The following FAT3 variants were observed in gnomAD, a reference collection of about 807,000 sequenced individuals.
The protein encoded by FAT3 is protocadherin Fat 3.
Under a neutral mutation model 310.2 loss-of-function variants are expected in FAT3, and 95 were observed. The observed-to-expected ratio is 0.31, with a 90% confidence interval of 0.26 to 0.36. The LOEUF is 0.36. Ranked by LOEUF, FAT3 falls within the 10% of genes least tolerant of loss-of-function variation. The pLI, the probability that FAT3 is intolerant of heterozygous loss-of-function variation, is 1.00. For synonymous variants in FAT3, 2,314 were observed against 2,192.9 expected (o/e 1.06, Z -1.54); for missense variants, 5,408 against 5,715.6 (o/e 0.95, Z 1.74).
In FAT3 at chr11:92,352,456, C is replaced by T. The variant is rs2134631597; in HGVS notation, c.344C>T (p.Ala115Val). 6.2e-7 allele frequency: 1 copy of T among 1,612,408 alleles called. No homozygotes were observed. Among genetic ancestry groups the T allele is most frequent in the Non-Finnish European group, 8.5e-7 (1 of 1,179,520 alleles). The change falls in exon 2 of 28, where the codon GCC (alanine) becomes GTC (valine). Residue 115 changes from alanine to valine, a missense_variant. Physicochemically the swap from Ala to Val is moderately conservative, Grantham distance 64. Coordinates refer to ENST00000525166, the MANE Select transcript of FAT3 (RefSeq NM_001367949.2). ...LRIRTKGGNS[A>V]ILNREIQDNY... ...ATAAGAACTAAAGGTGGCAATTCTG[C>T]CATATTAAATAGGGAAATCCAGGAT...
intron 1 of FAT3, among the ~76,000 whole-genome samples, chr11:92,254,562 A>T (rs1865242549): frequency 6.6e-6 from 1 of 152,166 alleles, no homozygotes; most frequent in South Asian, 2.1e-4. Flanking sequence ...GGAGACTTGG[A>T]TAAATTCCAA....
rs1955551119 is a variant in FAT3, at chr11:92,568,388, G to C, written c.3607+43440G>C. Among the ~76,000 whole-genome samples the C allele has an allele frequency of 4.0e-5, 5 of 125,498 alleles. No homozygotes were observed. The South Asian group carries it at 1.5e-3, about 37-fold the overall frequency. 82.3% of individuals were successfully genotyped at this position (125,498 alleles called of 152,430 possible). ...AGTATCCCGATGGCATGATGAGATA[G>C]TGGAAGTAGACTAGTGAGTACATTT... is the stretch of plus-strand genomic sequence containing the variant. On this transcript the variant is annotated intron_variant, in intron 3 of 27. Coordinates refer to ENST00000525166, the MANE Select transcript of FAT3 (RefSeq NM_001367949.2).
intron 2 of FAT3, among the ~76,000 whole-genome samples, chr11:92,511,242 G>A (rs181983326): frequency 2.3e-4 from 35 of 152,308 alleles, no homozygotes; most frequent in African/African-American, 7.9e-4. Context: ...CACAGATGGA[G>A]AGTTGAAATT....
At chr11:92,576,490 T>A (rs1034736857) in intron 3 of FAT3, among the ~76,000 whole-genome samples, 2 of 151,762 alleles carry the variant, frequency 1.3e-5, no homozygotes. Flanking sequence ...TATGCTGTTC[T>A]TACTTTAGTA....
chr11:92,526,734 C>T (rs775211086), intron 3 of FAT3, among the ~76,000 whole-genome samples: 15 of 152,130 alleles, frequency 9.9e-5, no homozygotes, highest in African/African-American at 3.4e-4. Context: ...ATTTGGCCTA[C>T]GTTGCTAATA....
intron 3 of FAT3, among the ~76,000 whole-genome samples, chr11:92,608,743 A>ATAATAATAATAATAATAATAC (rs1284011450): frequency 1.3e-5 from 2 of 151,118 alleles, no homozygotes; most frequent in East Asian, 3.9e-4. Context: ...AATAATAATA[A>ATAATAATAATAATAATAATAC]TACTCCTCAC....
intron 1 of FAT3, among the ~76,000 whole-genome samples, chr11:92,296,722 C>T (rs1946859043): frequency 6.6e-6 from 1 of 152,028 alleles, no homozygotes; most frequent in Non-Finnish European, 1.5e-5. Context: ...CAGTGGTTAG[C>T]CTGCCTTTTC....
chr11:92,576,280 T>C (rs1314818519), intron 3 of FAT3, among the ~76,000 whole-genome samples: 1 of 152,146 alleles, frequency 6.6e-6, no homozygotes, highest in East Asian at 1.9e-4. Flanking sequence ...ATTTAGTTAC[T>C]TCGTTGGGTT....
intron 2 of FAT3, among the ~76,000 whole-genome samples, chr11:92,386,610 TTGAA>T (rs1438841219): frequency 1.3e-5 from 2 of 152,194 alleles, no homozygotes; most frequent in African/African-American, 4.8e-5. Flanking sequence ...TAGATAGTTG[TTGAA>T]TGAATGGATG....
rs887129065 is a variant in FAT3, at chr11:92,323,919, C to A, written c.-17-28177C>A. Among the ~76,000 whole-genome samples, 5 of 152,196 alleles carry A rather than the reference C, an allele frequency of 3.3e-5. No individual in the cohort carries two copies. The East Asian group carries it at 7.7e-4, about 23-fold the overall frequency. ...CTACAGATGAAACTGATTTTCAAAT[C>A]AGTTGCTTCAGCGCTTGCTGCCTCA... On this transcript the variant is annotated intron_variant, in intron 1 of 27. Coordinates refer to ENST00000525166, the MANE Select transcript of FAT3 (RefSeq NM_001367949.2).
chr11:92,227,752 CTTT>C (rs151286236), intron 1 of FAT3, among the ~76,000 whole-genome samples: 2 of 140,548 alleles, frequency 1.4e-5, no homozygotes, highest in Non-Finnish European at 3.1e-5. Context: ...CTTTCTTCTT[CTTT>C]TTTTTTTTTT....
At chr11:92,309,715 T>A (rs2134451846) in intron 1 of FAT3, among the ~76,000 whole-genome samples, 1 of 152,284 alleles carries the variant, frequency 6.6e-6, no homozygotes, top group African/African-American at 2.4e-5. Flanking sequence ...GCTGGAGTTT[T>A]GATGCACAGT....
intron 2 of FAT3, among the ~76,000 whole-genome samples, chr11:92,442,505 A>G (rs1951099544): frequency 6.6e-6 from 1 of 152,124 alleles, no homozygotes; most frequent in South Asian, 2.1e-4. Context: ...AATAAAATGC[A>G]TCTATAGCCT....
rs540856476 is a variant in FAT3 at position 92,539,633 on chromosome 11, T to C, written c.3607+14685T>C. Reference sequence around the variant, plus strand: ...CACCTCACAGTAAAAGAAAAACCTGTGTGTAAATGTGAATTTTTGGACTTG... The same window carrying C: ...CACCTCACAGTAAAAGAAAAACCTGCGTGTAAATGTGAATTTTTGGACTTG... On this transcript the variant is annotated intron_variant, in intron 3 of 27. Transcript: ENST00000525166. Among the ~76,000 whole-genome samples, 13 of 152,254 alleles carry C rather than the reference T, an allele frequency of 8.5e-5. No homozygotes were observed. In the East Asian group the frequency reaches 2.5e-3, roughly 29 times the overall value.
chr11:92,746,897 G>A (rs955182750), intron 4 of FAT3, among the ~76,000 whole-genome samples: 5 of 152,200 alleles, frequency 3.3e-5, no homozygotes, highest in African/African-American at 1.2e-4. Context: ...CAAGAGGTGG[G>A]CTCCCATGGC....
At chr11:92,821,942 G>T (rs1465216052) in intron 13 of FAT3, among the ~76,000 whole-genome samples, 1 of 152,130 alleles carries the variant, frequency 6.6e-6, no homozygotes, top group African/African-American at 2.4e-5. Flanking sequence ...AAAATAAACA[G>T]GCTAAACAAA....
chr11:92,690,574 A>G (rs1943772122), intron 3 of FAT3, among the ~76,000 whole-genome samples: 2 of 152,106 alleles, frequency 1.3e-5, no homozygotes, highest in Admixed American at 1.3e-4. Context: ...TCTTGTATAT[A>G]TATTTTTTTC....
intron 2 of FAT3, among the ~76,000 whole-genome samples, chr11:92,392,190 C>T (rs149373997): frequency 2.6e-5 from 4 of 152,226 alleles, no homozygotes; most frequent in Admixed American, 6.5e-5. Flanking sequence ...CCAGCCAAAT[C>T]GAACCATGCT....
At chr11:92,489,959 C>G (rs923478663) in intron 2 of FAT3, among the ~76,000 whole-genome samples, 4 of 150,530 alleles carry the variant, frequency 2.7e-5, no homozygotes, top group Middle Eastern at 3.4e-3. Context: ...GCAGGGTTCT[C>G]TGGAGATGTT....
Sources: gnomAD v4.1 joint callset for allele counts (sites outside exome capture counted in the v4.1 genomes callset) on GRCh38, gnomAD v4.1.1 for gene constraint, MANE v1.5 for transcripts, NCBI Gene and HGNC (gene_info 2026-07-23, HGNC 2026-07-21) for gene names.